Variants in ABCA10 observed in about 807,000 individuals in gnomAD.
ABCA10 encodes ATP binding cassette subfamily A member 10.
Under a neutral mutation model 187.5 loss-of-function variants are expected in ABCA10, and 169 were observed. The ratio of observed to expected loss-of-function variants is 0.90; its 90% CI spans 0.80 to 1.02. The LOEUF (loss-of-function observed/expected upper bound fraction) is 1.02. Ranked by LOEUF, ABCA10 falls within the 50% of genes least tolerant of loss-of-function variation. The pLI is 0.00. For synonymous variants in ABCA10, 574 were observed against 601.8 expected (o/e 0.95, Z 0.68); for missense variants, 1,727 against 1,812.4 (o/e 0.95, Z 0.86).
intron 10 of ABCA10, among the ~76,000 whole-genome samples, chr17:69,199,168 A>G (rs1420071401): frequency 6.6e-6 from 1 of 152,072 alleles, no homozygotes; most frequent in African/African-American, 2.4e-5. Context: ...CATAAGACTC[A>G]CCTTAAGAGT....
At chr17:69,153,761 T>C in intron 32 of ABCA10, 70 bp downstream of exon 32, 1 of 1,516,748 alleles carries the variant, frequency 6.6e-7, no homozygotes. Context: ...AATTTCCTTT[T>C]AATATATAAT....
At chr17:69,190,523 G>A in intron 17 of ABCA10, 46 bp from the exon 18 acceptor site, 2 of 1,480,600 alleles carry the variant, frequency 1.4e-6, no homozygotes, top group South Asian at 2.7e-5. Flanking sequence ...AATTATCAAT[G>A]AGTATATTAA....
Position 69,153,639 on chromosome 17 carries a change from T to G in ABCA10, c.3966-93A>C, listed in dbSNP as rs117848260. The stretch of plus-strand genomic sequence containing the variant: ...AAACTCTAAGCACTATTATTCTAGA[T>G]AGTAAATTTAAGCTTCCTTAACGTT... On this transcript the variant is annotated intron_variant, in intron 32 of 38. Coordinates refer to ENST00000690296, the MANE Select transcript of ABCA10 (RefSeq NM_001377321.1). 12,734 of 1,500,642 alleles carry G rather than the reference T, an allele frequency of 8.5e-3. 67 individuals carry two copies. Among genetic ancestry groups the G allele is most frequent in the Non-Finnish European group, 9.8e-3 (10,850 of 1,108,168 alleles). 93.0% of individuals were successfully genotyped at this position (1,500,642 alleles called of 1,614,324 possible). A position where few individuals can be genotyped will look rare whatever the true frequency, so the allele number is the denominator to read the frequency against.
chr17:69,151,316 A>G (rs1339904335), intron 36 of ABCA10, among the ~76,000 whole-genome samples: 2 of 152,306 alleles, frequency 1.3e-5, no homozygotes, highest in Middle Eastern at 3.4e-3. Flanking sequence ...TCAATGTCAT[A>G]TCCTCATTTA....
At chr17:69,213,261 T>C (rs1598119606) in intron 9 of ABCA10, among the ~76,000 whole-genome samples, 1 of 152,022 alleles carries the variant, frequency 6.6e-6, no homozygotes, top group African/African-American at 2.4e-5. Flanking sequence ...GGTGGGGCCA[T>C]AGAGCTCCCA....
intron 25 of ABCA10, among the ~76,000 whole-genome samples, chr17:69,165,793 AC>A (rs1598091528): frequency 2.0e-5 from 3 of 152,112 alleles, no homozygotes; most frequent in Non-Finnish European, 4.4e-5. Context: ...CAATTTGAAA[AC>A]CTCACAGATG....
At chr17:69,243,961 C>T (rs775129267) in intron 1 of ABCA10, among the ~76,000 whole-genome samples, 7 of 152,044 alleles carry the variant, frequency 4.6e-5, no homozygotes, top group Non-Finnish European at 7.4e-5. Context: ...TAATTTAAAA[C>T]GGTAATTTAA....
chr17:69,152,124 A>G lies in ABCA10; in HGVS notation c.4316T>C (p.Ile1439Thr), dbSNP rs2074133671. 6.2e-7 allele frequency: 1 copy of G among 1,613,690 alleles called. No homozygotes were observed. The highest frequency in any genetic ancestry group is 1.7e-5 in the Admixed American group (1 of 59,944). ...CACCTGGGTAGGTTCTTTCATTTTT[A>G]TTTCTAGTAAATAATCTCTACCAAA... The part of the protein sequence containing the change: ...NKFGRDYLLE[I>T]KMKEPTQVEA... Residue 1439 changes from isoleucine to threonine, a missense_variant, in exon 36 of 39, where the codon ATA (isoleucine) becomes ACA (threonine). Physicochemically the swap from Ile to Thr is moderately conservative, Grantham distance 89 (BLOSUM62 -1). Transcript: ENST00000690296.
chr17:69,194,132 T>C (rs556649879), intron 12 of ABCA10, 143 bp from the exon 13 acceptor site: 10 of 855,028 alleles, frequency 1.2e-5, no homozygotes, highest in African/African-American at 3.5e-5. Flanking sequence ...AATTAATACA[T>C]TGAATAATTC....
rs187802376 is a variant in ABCA10 at position 69,148,853 on chromosome 17, T to A, written c.4606A>T (p.Lys1536Ter). 6.2e-7 allele frequency: 1 copy of A among 1,613,036 alleles called. No homozygotes were observed. Among genetic ancestry groups the A allele is most frequent in the Admixed American group, 1.7e-5 (1 of 60,002 alleles). ...TAAGGGTCTTCCTGTGGGAGAAGTTTCCATTCAACTGTTGTATCAATTTTA... is the reference window on the plus strand; with the variant it reads ...TAAGGGTCTTCCTGTGGGAGAAGTTACCATTCAACTGTTGTATCAATTTTA... Reference protein sequence around the residue: ...DDKIDTTVEWKLLPQEDP With the variant: ...DDKIDTTVEW The change falls in exon 39 of 39, where the codon AAA (lysine) becomes TAA (stop). Residue 1536 changes from lysine to a stop codon, truncating the protein, a stop_gained. Coordinates refer to ENST00000690296, the MANE Select transcript of ABCA10 (RefSeq NM_001377321.1). LOFTEE classifies it high-confidence loss of function.
intron 20 of ABCA10, 79 bp downstream of exon 20, chr17:69,185,398 T>G: frequency 7.1e-7 from 1 of 1,399,834 alleles, no homozygotes; most frequent in South Asian, 1.8e-5. Flanking sequence ...ATTTTTGTTT[T>G]CAATTGTCTC....
chr17:69,221,094 T>A (rs545673475), intron 5 of ABCA10, among the ~76,000 whole-genome samples: 121 of 152,112 alleles, frequency 8.0e-4, no homozygotes, highest in African/African-American at 2.9e-3. Context: ...GAACTACAGA[T>A]AGAAAGATGT....
chr17:69,172,105 A>C (rs992169851), intron 25 of ABCA10, among the ~76,000 whole-genome samples: 4 of 152,070 alleles, frequency 2.6e-5, no homozygotes, highest in Non-Finnish European at 5.9e-5. Flanking sequence ...AAACCAAAAC[A>C]CTAGACAATA....
chr17:69,167,861 AAAGT>A (rs1320803465), intron 25 of ABCA10, among the ~76,000 whole-genome samples: 6 of 152,062 alleles, frequency 3.9e-5, no homozygotes, highest in South Asian at 2.1e-4. Flanking sequence ...AAAAAAGCAA[AAAGT>A]AAGACAGAAA....
intron 4 of ABCA10, among the ~76,000 whole-genome samples, 173 bp from the exon 5 acceptor site, chr17:69,222,068 T>A (rs2074752816): frequency 6.6e-6 from 1 of 152,070 alleles, no homozygotes; most frequent in Non-Finnish European, 1.5e-5. Flanking sequence ...AAAAAGAACA[T>A]ATGATGGCAG....
intron 14 of ABCA10, 24 bp downstream of exon 14, chr17:69,193,469 G>T: frequency 1.3e-6 from 2 of 1,597,670 alleles, no homozygotes; most frequent in African/African-American, 2.7e-5. Context: ...TAAATTAATT[G>T]TAAAAATATA....
At chr17:69,229,362 G>A (rs940792986), upstream of ABCA10, among the ~76,000 whole-genome samples, 54 of 151,910 alleles carry the variant, frequency 3.6e-4, 3 homozygotes. Flanking sequence ...CTATGAAAAT[G>A]GTGCTAATCA....
chr17:69,205,490 G>C (rs1474130001), intron 9 of ABCA10, among the ~76,000 whole-genome samples: 1 of 152,112 alleles, frequency 6.6e-6, no homozygotes, highest in East Asian at 1.9e-4. Context: ...CTACATTCTA[G>C]GGAAACAAAA....
intron 27 of ABCA10, among the ~76,000 whole-genome samples, chr17:69,157,680 A>G (rs566370428): frequency 4.1e-4 from 63 of 152,284 alleles, no homozygotes; most frequent in Non-Finnish European, 8.2e-4. Context: ...CTCTACATAT[A>G]TAGGCAACTG....
Sources: gnomAD v4.1 joint callset for allele counts (sites outside exome capture counted in the v4.1 genomes callset) on GRCh38, gnomAD v4.1.1 for gene constraint, MANE v1.5 for transcripts, NCBI Gene and HGNC (gene_info 2026-07-23, HGNC 2026-07-21) for gene names.